Variants in AKAP17A observed in about 807,000 individuals in gnomAD.
AKAP17A encodes A-kinase anchor protein 17A.
A neutral mutation model predicts 52.2 loss-of-function variants in AKAP17A; 15 were observed. The observed-to-expected ratio is 0.29, with a 90% CI of 0.19 to 0.44. AKAP17A has a LOEUF of 0.44. Among genes scored for constraint, AKAP17A ranks in the 20% least tolerant of loss-of-function variants. The pLI is 1.00. For synonymous variants in AKAP17A, 514 were observed against 424.7 expected, an observed-to-expected ratio of 1.21 and a Z score of -2.58; for missense variants, 1,060 against 1,007.0, an observed-to-expected ratio of 1.05 and a Z score of -0.71.
intron 3 of AKAP17A, among the ~76,000 whole-genome samples, chrX:1,596,197 A>G (rs1240440978): frequency 6.7e-6 from 1 of 148,198 alleles, no homozygotes; most frequent in Non-Finnish European, 1.5e-5. Context: ...TACAAAATGA[A>G]GTAGAGGGTT....
At chrX:1,598,266 G>C (rs181920529) in intron 3 of AKAP17A, among the ~76,000 whole-genome samples, 3 of 152,182 alleles carry the variant, frequency 2.0e-5, no homozygotes, top group African/African-American at 2.4e-5. Flanking sequence ...CCCGGAGACC[G>C]TGTGGATCAC....
chrX:1,594,819 G>A (rs1279799730), intron 2 of AKAP17A, among the ~76,000 whole-genome samples: 1 of 151,948 alleles, frequency 6.6e-6, no homozygotes, highest in Non-Finnish European at 1.5e-5. Flanking sequence ...GGGTTTTGCC[G>A]TATTGGCCAG....
At position 1,601,673 on chromosome X, in the gene AKAP17A, C is replaced by A; in HGVS notation, c.*79C>A. ...GCCTCCTGGCCGCTCCTTGGCCGCTCTCCGTCCACCCCTGCAAAGCCAAGA... is the reference window on the plus strand; with the variant it reads ...GCCTCCTGGCCGCTCCTTGGCCGCTATCCGTCCACCCCTGCAAAGCCAAGA... On this transcript the variant is annotated 3_prime_UTR_variant, in exon 5 of 5. Coordinates refer to ENST00000313871, the MANE Select transcript of AKAP17A (RefSeq NM_005088.3). The A allele has an allele frequency of 7.7e-7, 1 of 1,294,504 alleles. No homozygotes were observed. Among genetic ancestry groups the A allele is most frequent in the South Asian group, 2.0e-5 (1 of 49,982 alleles). The allele number at this position is 1,294,504 out of a possible 1,614,324, so 80.2% of individuals were successfully genotyped here.
Position 1,601,104 on chromosome X carries a change from C to G in AKAP17A, c.1598C>G (p.Pro533Arg). The G allele has an allele frequency of 6.2e-7, 1 of 1,613,840 alleles. No homozygotes were observed. The change falls in exon 5 of 5, where the codon CCC becomes CGC. Residue 533 changes from proline to arginine, a missense_variant. Pro to Arg is a moderately radical substitution (Grantham distance 103). This residue lies in a region of AKAP17A where 793 missense variants were observed against 629.9 expected (regional missense o/e 1.26). Transcript: ENST00000313871. ...KEVQSSCRVV[P>R]EDGSPEKRCP... The stretch of plus-strand genomic sequence containing the variant: ...GTTCAGAGCTCCTGTCGTGTGGTCC[C>G]CGAGGATGGCTCTCCAGAGAAGAGG...
Position 1,599,279 on chromosome X carries a change from G to A in AKAP17A, c.999G>A (p.Glu333=), listed in dbSNP as rs767573987. The A allele has an allele frequency of 1.2e-6, 2 of 1,612,038 alleles. No individual in the cohort carries two copies. Among genetic ancestry groups the A allele is most frequent in the African/African-American group, 1.3e-5 (1 of 74,888 alleles). Residue 333 remains glutamate, a synonymous_variant, in exon 4 of 5, where the codon GAG becomes GAA. Transcript: ENST00000313871. The part of the protein sequence containing the change: ...RKREQKQRDR[E]LRRNQKKLEK... ...GGGAGCAGAAGCAGAGGGACCGTGAGCTGCGCCGGAATCAGAAGAAGCTGG... is the reference window on the plus strand; with the variant it reads ...GGGAGCAGAAGCAGAGGGACCGTGAACTGCGCCGGAATCAGAAGAAGCTGG...
Position 1,599,851 on chromosome X carries a change from G to A in AKAP17A, c.1152+419G>A, listed in dbSNP as rs1346244258. 7.1e-5 allele frequency: 42 copies of A among 593,502 alleles called. 1 individual carries two copies. The Middle Eastern group carries it at 1.3e-3, about 19-fold the overall frequency. 36.8% of individuals were successfully genotyped at this position (593,502 alleles called of 1,614,324 possible). A position where few individuals can be genotyped will look rare whatever the true frequency, so the allele number is the denominator to read the frequency against. ...GCAGAGGGGCAAGGTGGGCTGGGGG[G>A]AGGGCTGAGCGCACAGAGGGGGCCT... On this transcript the variant is annotated intron_variant, in intron 4 of 4. Coordinates refer to ENST00000313871, the MANE Select transcript of AKAP17A (RefSeq NM_005088.3).
Position 1,601,548 on chromosome X carries a change from C to G in AKAP17A, c.2042C>G (p.Ser681Trp). ...HSRHRRRSER[S>W]RSRSPSRHRS... ...CGCCACCGCCGCCGAAGCGAGCGGT[C>G]GCGCTCCCGGTCCCCGAGCAGGCAC... The change falls in exon 5 of 5, where the codon TCG (serine) becomes TGG (tryptophan). Residue 681 changes from serine (S) to tryptophan (W), a missense_variant. Coordinates refer to ENST00000313871, the MANE Select transcript of AKAP17A (RefSeq NM_005088.3). The G allele has an allele frequency of 6.8e-7, 1 of 1,470,212 alleles. No individual in the cohort carries two copies. The highest frequency in any genetic ancestry group is 8.9e-7 in the Non-Finnish European group (1 of 1,120,248). 91.1% of individuals were successfully genotyped at this position (1,470,212 alleles called of 1,614,324 possible).
intron 3 of AKAP17A, among the ~76,000 whole-genome samples, chrX:1,597,005 C>T (rs779205308): frequency 6.6e-6 from 1 of 152,252 alleles, no homozygotes; most frequent in Non-Finnish European, 1.5e-5. Flanking sequence ...GTCTGTTGCG[C>T]TTCATGTCGC....
chrX:1,598,835 G>A (rs766507418), intron 3 of AKAP17A, among the ~76,000 whole-genome samples: 4 of 152,332 alleles, frequency 2.6e-5, no homozygotes, highest in South Asian at 2.1e-4. Flanking sequence ...GCATCCCGGG[G>A]CCTTGTTGGG....
At chrX:1,596,096 C>T (rs1367986997) in intron 3 of AKAP17A, among the ~76,000 whole-genome samples, 7 of 152,066 alleles carry the variant, frequency 4.6e-5, no homozygotes, top group Admixed American at 4.6e-4. Flanking sequence ...AGAGCCACCT[C>T]TTCTCCCTCC....
chrX:1,601,588 C>G lies in AKAP17A; in HGVS notation c.2082C>G (p.Asn694Lys). ...RSPSRHRSTW[N>K]R ...CGAGCAGGCACCGCAGTACCTGGAA[C>G]AGGTAATGACGGGCACGGCCTCCCC... Residue 694 changes from asparagine to lysine, a missense_variant, in exon 5 of 5, where the codon AAC becomes AAG. Asn to Lys is a moderately conservative substitution (Grantham distance 94). Transcript: ENST00000313871. 1 of 1,434,822 alleles carries G rather than the reference C, an allele frequency of 7.0e-7. No individual in the cohort carries two copies. 88.9% of individuals were successfully genotyped at this position (1,434,822 alleles called of 1,614,324 possible). A position where few individuals can be genotyped will look rare whatever the true frequency, so the allele number is the denominator to read the frequency against.
In AKAP17A at chrX:1,601,648, G is replaced by C; in HGVS notation, c.*54G>C. The C allele has an allele frequency of 7.4e-7, 1 of 1,359,794 alleles. No individual in the cohort carries two copies. The highest frequency in any genetic ancestry group is 9.4e-7 in the Non-Finnish European group (1 of 1,058,834). 84.2% of individuals were successfully genotyped at this position (1,359,794 alleles called of 1,614,324 possible). On this transcript the variant is annotated 3_prime_UTR_variant, in exon 5 of 5. Transcript: ENST00000313871. The stretch of plus-strand genomic sequence containing the variant: ...CCGGGAAAGACCAGGACCTGCTCGA[G>C]CCTCCTGGCCGCTCCTTGGCCGCTC...
At chrX:1,599,728 G>A (rs1933248162) in intron 4 of AKAP17A, 1 of 622,936 alleles carries the variant, frequency 1.6e-6, no homozygotes. Flanking sequence ...TTTCCTTTGG[G>A]TCGGGGCAGT....
At chrX:1,598,582 C>A (rs1438029599) in intron 3 of AKAP17A, among the ~76,000 whole-genome samples, 2 of 152,180 alleles carry the variant, frequency 1.3e-5, no homozygotes, top group African/African-American at 4.8e-5. Context: ...GAACTCCCCA[C>A]TGTCTCTTGT....
chrX:1,592,732 C>T (rs1932860364), intron 1 of AKAP17A, among the ~76,000 whole-genome samples: 1 of 152,084 alleles, frequency 6.6e-6, no homozygotes, highest in African/African-American at 2.4e-5. Flanking sequence ...TTGGACTTGG[C>T]CGTCAGGAAG....
In AKAP17A at chrX:1,595,629, T is replaced by C. The variant is rs1307909144; in HGVS notation, c.911+97T>C. 23 of 1,540,614 alleles carry C rather than the reference T, an allele frequency of 1.5e-5. 1 individual carries two copies. The highest frequency in any genetic ancestry group is 8.9e-7 in the Non-Finnish European group (1 of 1,124,828). ...GTGTCTGCATGTATTCCTGTGCGTG[T>C]GTGTGTGCATGCATGCTTGTGAGCT... On this transcript the variant is annotated intron_variant, in intron 3 of 4. Transcript: ENST00000313871.
chrX:1,593,397 G>C, intron 1 of AKAP17A, 47 bp from the exon 2 acceptor site: 9 of 1,550,760 alleles, frequency 5.8e-6, no homozygotes, highest in Non-Finnish European at 7.9e-6. Context: ...TCATTGGCGG[G>C]GGAGGTGGGG....
chrX:1,600,908 C>T lies in AKAP17A; in HGVS notation c.1402C>T (p.Leu468=), dbSNP rs1933331573. The part of the protein sequence containing the change: ...VAHADLLQPV[L]DILQTVSSGC... ...ACACGCCGACCTGCTGCAGCCCGTC[C>T]TGGACATCCTGCAGACCGTGTCGTC... Residue 468 remains leucine, a synonymous_variant, in exon 5 of 5, where the codon CTG becomes TTG. Coordinates refer to ENST00000313871, the MANE Select transcript of AKAP17A (RefSeq NM_005088.3). The T allele has an allele frequency of 6.3e-7, 1 of 1,576,146 alleles. No homozygotes were observed. The highest frequency in any genetic ancestry group is 1.3e-5 in the African/African-American group (1 of 74,478).
At chrX:1,598,720 C>A (rs1466227359) in intron 3 of AKAP17A, among the ~76,000 whole-genome samples, 5 of 152,104 alleles carry the variant, frequency 3.3e-5, no homozygotes, top group Non-Finnish European at 5.9e-5. Context: ...AGAGAGAGGT[C>A]CCCCCGTGCC....
Sources: gnomAD v4.1 joint callset for allele counts (sites outside exome capture counted in the v4.1 genomes callset) on GRCh38, gnomAD v4.1.1 for gene constraint, gnomAD v4.1.1 regional missense constraint, MANE v1.5 for transcripts, NCBI Gene and HGNC (gene_info 2026-07-23, HGNC 2026-07-21) for gene names.